CDC16: variants seen among roughly 807,000 people sequenced by gnomAD.
The protein encoded by CDC16 is cell division cycle protein 16 homolog.
Under a neutral mutation model 87.0 loss-of-function variants are expected in CDC16, and 34 were observed. The ratio of observed to expected loss-of-function variants is 0.39; its 90% CI spans 0.30 to 0.52. The LOEUF is 0.52. Among genes scored for constraint, CDC16 ranks in the 20% least tolerant of loss-of-function variants. The pLI is 0.74. For missense variants in CDC16, 653 were observed against 751.9 expected, an observed-to-expected ratio of 0.87 and a Z score of 1.54; for synonymous variants, 263 against 260.6, an observed-to-expected ratio of 1.01 and a Z score of -0.09.
At chr13:114,252,446 A>C (rs1258481690) in intron 12 of CDC16, among the ~76,000 whole-genome samples, 5 of 152,172 alleles carry the variant, frequency 3.3e-5, no homozygotes, top group Admixed American at 6.5e-5. Context: ...AGTCCATAGC[A>C]CTAATATATT....
intron 17 of CDC16, among the ~76,000 whole-genome samples, chr13:114,268,928 A>G (rs1243275583): frequency 2.0e-5 from 3 of 152,358 alleles, no homozygotes; most frequent in East Asian, 3.9e-4. Flanking sequence ...GAACTCTCAT[A>G]GATTCACTGC....
intron 12 of CDC16, among the ~76,000 whole-genome samples, chr13:114,256,800 G>A (rs1386203205): frequency 6.6e-6 from 1 of 152,162 alleles, no homozygotes; most frequent in Non-Finnish European, 1.5e-5. Flanking sequence ...GCACCACAGA[G>A]ACCTGCCCTT....
chr13:114,257,204 C>T lies in CDC16; in HGVS notation c.1224C>T (p.Val408=), dbSNP rs780976115. 8.2e-5 allele frequency: 132 copies of T among 1,610,092 alleles called. No homozygotes were observed. The highest frequency in any genetic ancestry group is 1.0e-4 in the Non-Finnish European group (119 of 1,177,434). ...APEDPFVMHE[V]GVVAFQNGEW... ...AAGACCCTTTTGTTATGCATGAGGT[C>T]GGCGTGGTTGCATTTCAGAATGGAG... Residue 408 remains valine, a synonymous_variant, in exon 13 of 18, where the codon GTC becomes GTT. Transcript: ENST00000356221.
intron 10 of CDC16, among the ~76,000 whole-genome samples, chr13:114,246,321 G>A (rs17338003): frequency 0.028 from 4,196 of 152,192 alleles, 65 homozygotes; most frequent in African/African-American, 0.038. Context: ...AATACTTAGC[G>A]TATAGCAATA....
At chr13:114,244,116 A>G in intron 8 of CDC16, 127 bp downstream of exon 8, 3 of 669,976 alleles carry the variant, frequency 4.5e-6, no homozygotes, top group Admixed American at 5.4e-5. Context: ...TACCAATTGT[A>G]GAGCACTGAA....
Position 114,234,978 on chromosome 13 carries a change from G to A in CDC16, c.-107G>A. The A allele has an allele frequency of 1.1e-6, 1 of 897,090 alleles. No individual in the cohort carries two copies. The highest frequency in any genetic ancestry group is 1.5e-6 in the Non-Finnish European group (1 of 679,966). The allele number at this position is 897,090 out of a possible 1,614,324, so 55.6% of individuals were successfully genotyped here. ...GTCCGCGGCCTTCGAGTCCTGGGGCGGCGGCGGCGGCTGCAGGCACGGGCA... is the reference window on the plus strand; with the variant it reads ...GTCCGCGGCCTTCGAGTCCTGGGGCAGCGGCGGCGGCTGCAGGCACGGGCA... On this transcript the variant is annotated 5_prime_UTR_variant, in exon 1 of 18. Transcript: ENST00000356221.
chr13:114,255,458 T>C (rs1169247100), intron 12 of CDC16, among the ~76,000 whole-genome samples: 1 of 152,142 alleles, frequency 6.6e-6, no homozygotes, highest in Non-Finnish European at 1.5e-5. Context: ...ACATTGAGTA[T>C]CCCTAATCTG....
At chr13:114,244,782 C>T (rs2081756106) in intron 8 of CDC16, 108 bp from the exon 9 acceptor site, 2 of 605,080 alleles carry the variant, frequency 3.3e-6, no homozygotes, top group African/African-American at 3.8e-5. Flanking sequence ...AGTGTTACAA[C>T]CCACAGCATC....
chr13:114,252,242 C>G (rs1418647989), intron 12 of CDC16, among the ~76,000 whole-genome samples: 4 of 151,994 alleles, frequency 2.6e-5, no homozygotes, highest in Non-Finnish European at 5.9e-5. Flanking sequence ...GAGCCTTACA[C>G]TAGCCCTGTT....
chr13:114,242,852 T>A (rs1162129143), intron 6 of CDC16, among the ~76,000 whole-genome samples: 2 of 152,166 alleles, frequency 1.3e-5, no homozygotes, highest in East Asian at 1.9e-4. Context: ...TCTGGAGATG[T>A]TGTTTGTCAC....
intron 16 of CDC16, 119 bp downstream of exon 16, chr13:114,263,133 C>G: frequency 1.2e-6 from 1 of 828,612 alleles, no homozygotes; most frequent in Non-Finnish European, 1.9e-6. Context: ...GGCAACCTTA[C>G]GTGTTATTCT....
intron 17 of CDC16, among the ~76,000 whole-genome samples, chr13:114,266,069 G>A (rs548850824): frequency 1.2e-4 from 18 of 152,218 alleles, no homozygotes; most frequent in African/African-American, 4.1e-4. Context: ...TGCCTGCCTC[G>A]GCCTCTCAAA....
At chr13:114,260,843 A>G (rs1371368485) in intron 14 of CDC16, among the ~76,000 whole-genome samples, 1 of 152,224 alleles carries the variant, frequency 6.6e-6, no homozygotes, top group Non-Finnish European at 1.5e-5. Context: ...GAGTTAGAGA[A>G]TCTGTGGCTC....
chr13:114,269,822 A>G (rs1375618664), intron 17 of CDC16, among the ~76,000 whole-genome samples: 1 of 152,188 alleles, frequency 6.6e-6, no homozygotes, highest in African/African-American at 2.4e-5. Flanking sequence ...CTCCTGCCTC[A>G]GCCTCCTGAG....
chr13:114,259,050 G>T (rs1475465759), intron 13 of CDC16, among the ~76,000 whole-genome samples: 2 of 144,674 alleles, frequency 1.4e-5, no homozygotes, highest in Non-Finnish European at 3.0e-5. Flanking sequence ...AGTGAGCTGA[G>T]ATCGCACCAC....
intron 17 of CDC16, among the ~76,000 whole-genome samples, chr13:114,269,043 C>T (rs1372364042): frequency 6.6e-6 from 1 of 151,682 alleles, no homozygotes; most frequent in African/African-American, 2.4e-5. Context: ...CACTCCAAAA[C>T]CTCAACCAAC....
intron 11 of CDC16, 78 bp from the exon 12 acceptor site, chr13:114,250,471 G>A (rs1287302087): frequency 6.0e-5 from 84 of 1,399,726 alleles, no homozygotes; most frequent in Non-Finnish European, 6.6e-5. Flanking sequence ...CAGCCTGAGC[G>A]ACAAAGTGAG....
At chr13:114,269,765 C>T (rs557087770) in intron 17 of CDC16, among the ~76,000 whole-genome samples, 5 of 152,272 alleles carry the variant, frequency 3.3e-5, no homozygotes, top group East Asian at 1.9e-4. Context: ...AGTGCAGGGG[C>T]GCCATCTCGG....
At position 114,237,058 on chromosome 13, in the gene CDC16, C is replaced by A. The variant is rs560778371; in HGVS notation, c.201+162C>A. Among the ~76,000 whole-genome samples the A allele has an allele frequency of 9.2e-5, 14 of 152,194 alleles. No homozygotes were observed. In the East Asian group the frequency reaches 2.7e-3, roughly 30 times the overall value. ...AGACCAAGATGGTGAAACCCCATCT[C>A]CGCTAAAAATACAAAAATTAGCCGG... On this transcript the variant is annotated intron_variant, in intron 3 of 17. Transcript: ENST00000356221.
Sources: gnomAD v4.1 joint callset for allele counts (sites outside exome capture counted in the v4.1 genomes callset) on GRCh38, gnomAD v4.1.1 for gene constraint, MANE v1.5 for transcripts, NCBI Gene and HGNC (gene_info 2026-07-23, HGNC 2026-07-21) for gene names.